PDZRN3: variants seen among roughly 807,000 people sequenced by gnomAD.
The protein encoded by PDZRN3 is E3 ubiquitin-protein ligase PDZRN3.
PDZRN3 carries 38 observed loss-of-function variants against 85.7 expected under a neutral mutation model. The observed-to-expected ratio is 0.44, with a 90% CI of 0.34 to 0.58. The LOEUF is 0.58. Among genes scored for constraint, PDZRN3 ranks in the 20% least tolerant of loss-of-function variants. The pLI is 0.01. For synonymous variants in PDZRN3, 759 were observed against 638.0 expected (o/e 1.19, Z -2.86); for missense variants, 1,629 against 1,506.4 (o/e 1.08, Z -1.35).
At chr3:73,592,961 G>A (rs1039754761) in intron 3 of PDZRN3, among the ~76,000 whole-genome samples, 3 of 152,020 alleles carry the variant, frequency 2.0e-5, no homozygotes, top group Non-Finnish European at 2.9e-5. Flanking sequence ...TTCCCCTAGC[G>A]CTCGCTCATG....
chr3:73,416,909 T>TTTTTTTTTTTTTA, intron 3 of PDZRN3, among the ~76,000 whole-genome samples: 1 of 92,552 alleles, frequency 1.1e-5, no homozygotes, highest in Admixed American at 1.2e-4. Flanking sequence ...TTTTTTTTTT[T>TTTTTTTTTTTTTA]GAGACAGAGT....
At chr3:73,501,638 A>G (rs1243050232) in intron 3 of PDZRN3, among the ~76,000 whole-genome samples, 3 of 152,242 alleles carry the variant, frequency 2.0e-5, no homozygotes, top group East Asian at 3.8e-4. Context: ...AGGGTGTCAA[A>G]GGAAAACCTC....
intron 8 of PDZRN3, among the ~76,000 whole-genome samples, chr3:73,386,345 C>A (rs1001026850): frequency 6.7e-6 from 1 of 148,282 alleles, no homozygotes; most frequent in East Asian, 2.0e-4. Flanking sequence ...ACAGGCAATG[C>A]GCCACTATGC....
At chr3:73,510,233 G>A (rs1294080859) in intron 3 of PDZRN3, among the ~76,000 whole-genome samples, 1 of 152,178 alleles carries the variant, frequency 6.6e-6, no homozygotes, top group East Asian at 1.9e-4. Context: ...TAATTCTTCA[G>A]CCAGAACTCA....
Position 73,602,325 on chromosome 3 carries a change from T to C in PDZRN3, c.918+29A>G, listed in dbSNP as rs755251432. 6 of 1,209,166 alleles carry C rather than the reference T, an allele frequency of 5.0e-6. No homozygotes were observed. The East Asian group carries it at 7.0e-5, about 14-fold the overall frequency. The allele number at this position is 1,209,166 out of a possible 1,614,324, so 74.9% of individuals were successfully genotyped here. On this transcript the variant is annotated intron_variant, in intron 3 of 9. Transcript: ENST00000263666. ...CGAAGATGGGATGGCATTCAGCCTA[T>C]TCAAAGACACTGGCCAGTATTCACA...
At chr3:73,485,719 C>T (rs1362849788) in intron 3 of PDZRN3, among the ~76,000 whole-genome samples, 1 of 152,084 alleles carries the variant, frequency 6.6e-6, no homozygotes, top group East Asian at 1.9e-4. Flanking sequence ...TCCAAGCACC[C>T]AAAGAAATGC....
chr3:73,593,814 A>G (rs1043876484), intron 3 of PDZRN3: 11 of 152,002 alleles, frequency 7.2e-5, no homozygotes, highest in Non-Finnish European at 1.5e-4. Flanking sequence ...TAATCCCATC[A>G]AACAAAATAA....
chr3:73,460,798 T>G (rs1035189426), intron 3 of PDZRN3, among the ~76,000 whole-genome samples: 1 of 152,148 alleles, frequency 6.6e-6, no homozygotes, highest in Non-Finnish European at 1.5e-5. Context: ...TTTTTTATTT[T>G]TTATTTTTTT....
At chr3:73,470,975 A>G (rs1703326340) in intron 3 of PDZRN3, among the ~76,000 whole-genome samples, 1 of 152,212 alleles carries the variant, frequency 6.6e-6, no homozygotes, top group East Asian at 1.9e-4. Context: ...GATGTCTGTA[A>G]TGTGTTGAAA....
chr3:73,423,039 T>C (rs1702234316), intron 3 of PDZRN3, among the ~76,000 whole-genome samples: 1 of 152,216 alleles, frequency 6.6e-6, no homozygotes, highest in South Asian at 2.1e-4. Flanking sequence ...GTACAGTATG[T>C]GCATTACAAG....
At chr3:73,515,467 C>T (rs1401418580) in intron 3 of PDZRN3, among the ~76,000 whole-genome samples, 5 of 152,174 alleles carry the variant, frequency 3.3e-5, no homozygotes, top group South Asian at 2.1e-4. Flanking sequence ...TGAGCCACCA[C>T]GCCCGGCCCA....
chr3:73,407,181 T>C (rs552378091), intron 3 of PDZRN3, among the ~76,000 whole-genome samples: 3 of 152,192 alleles, frequency 2.0e-5, no homozygotes, highest in African/African-American at 7.2e-5. Context: ...TCTGAGGTTT[T>C]GTCCATCCTT....
At chr3:73,408,543 T>C (rs1293166825) in intron 3 of PDZRN3, among the ~76,000 whole-genome samples, 3 of 151,180 alleles carry the variant, frequency 2.0e-5, no homozygotes, top group Non-Finnish European at 4.4e-5. Flanking sequence ...GGGGTACCAA[T>C]ATGCACATGG....
intron 3 of PDZRN3, among the ~76,000 whole-genome samples, chr3:73,570,498 A>T (rs1702029979): frequency 6.6e-6 from 1 of 152,206 alleles, no homozygotes; most frequent in Non-Finnish European, 1.5e-5. Context: ...ACATATCCCC[A>T]GATATGTAAT....
At chr3:73,442,447 G>A (rs751637379) in intron 3 of PDZRN3, among the ~76,000 whole-genome samples, 2 of 152,154 alleles carry the variant, frequency 1.3e-5, no homozygotes, top group South Asian at 2.1e-4. Context: ...CAGAACTGGC[G>A]CTACAGGGCA....
At chr3:73,601,101 C>T (rs531422343) in intron 3 of PDZRN3, among the ~76,000 whole-genome samples, 1 of 152,266 alleles carries the variant, frequency 6.6e-6, no homozygotes, top group South Asian at 2.1e-4. Flanking sequence ...GTTTGCTTTC[C>T]CTGTGAGATT....
At chr3:73,469,957 T>C (rs1006993921) in intron 3 of PDZRN3, among the ~76,000 whole-genome samples, 1 of 152,188 alleles carries the variant, frequency 6.6e-6, no homozygotes, top group Non-Finnish European at 1.5e-5. Context: ...CTGTACGTTG[T>C]AGGATGTCTA....
At chr3:73,385,451 G>C (rs755562195) in intron 9 of PDZRN3, among the ~76,000 whole-genome samples, 3 of 152,240 alleles carry the variant, frequency 2.0e-5, no homozygotes, top group Non-Finnish European at 2.9e-5. Context: ...CTTTGCTTTG[G>C]CAATGTTGCT....
chr3:73,383,835 A>AGCTCAGGTCCTTGCACATGCTCACCAG lies in PDZRN3; in HGVS notation c.2704_2730dup (p.Leu902_Ser910dup), dbSNP rs764142419. ...ATGCGCGGCTCCGACGGGGTGGGAG[A>AGCTCAGGTCCTTGCACATGCTCACCAG]GCTCAGGTCCTTGCACATGCTCACC... On this transcript the variant is annotated inframe_insertion, in exon 10 of 10. Coordinates refer to ENST00000263666, the MANE Select transcript of PDZRN3 (RefSeq NM_015009.3). 134 of 1,613,282 alleles carry AGCTCAGGTCCTTGCACATGCTCACCAG rather than the reference A, an allele frequency of 8.3e-5. No homozygotes were observed. The highest frequency in any genetic ancestry group is 1.1e-4 in the Non-Finnish European group (124 of 1,179,936).
Sources: gnomAD v4.1 joint callset for allele counts (sites outside exome capture counted in the v4.1 genomes callset) on GRCh38, gnomAD v4.1.1 for gene constraint, MANE v1.5 for transcripts, NCBI Gene and HGNC (gene_info 2026-07-23, HGNC 2026-07-21) for gene names.